DAAM2: variants seen among roughly 807,000 people sequenced by gnomAD.
DAAM2 encodes disheveled-associated activator of morphogenesis 2.
In DAAM2, 39 loss-of-function variants were observed where a neutral mutation model predicts 120.7. The ratio of observed to expected loss-of-function variants is 0.32; its 90% confidence interval spans 0.25 to 0.42. The LOEUF (loss-of-function observed/expected upper bound fraction) is 0.42. Ranked by LOEUF, DAAM2 falls within the 10% of genes least tolerant of loss-of-function variation. DAAM2 has a pLI of 1.00. For missense variants in DAAM2, 1,283 were observed against 1,401.7 expected, an observed-to-expected ratio of 0.92 and a Z score of 1.35; for synonymous variants, 488 against 524.9, an observed-to-expected ratio of 0.93 and a Z score of 0.96.
At chr6:39,885,853 A>T (rs73732308) in intron 15 of DAAM2, 3,364 of 152,294 alleles carry the variant, frequency 0.022, 114 homozygotes, top group African/African-American at 0.076. Context: ...CTTCCACTCC[A>T]TCGGCGTCAG....
chr6:39,855,935 A>G (rs1157435971), intron 1 of DAAM2: 2 of 646,572 alleles, frequency 3.1e-6, no homozygotes, highest in Non-Finnish European at 3.8e-6. Context: ...CTCTGGTCAC[A>G]TGGAAGTCAC....
chr6:39,869,194 T>G (rs766805076), intron 7 of DAAM2, among the ~76,000 whole-genome samples: 3 of 152,010 alleles, frequency 2.0e-5, no homozygotes, highest in Non-Finnish European at 4.4e-5. Context: ...TTCTGGACTG[T>G]TTTCTCGTTG....
intron 1 of DAAM2, among the ~76,000 whole-genome samples, chr6:39,802,044 ATC>A (rs1761879240): frequency 6.6e-6 from 1 of 152,194 alleles, no homozygotes; most frequent in Non-Finnish European, 1.5e-5. Context: ...TTCTTTTGTA[ATC>A]TCTGTCAGTG....
chr6:39,873,423 G>A, intron 10 of DAAM2, 68 bp downstream of exon 10: 1 of 1,082,330 alleles, frequency 9.2e-7, no homozygotes, highest in Non-Finnish European at 1.4e-6. Flanking sequence ...GTTTAGACAA[G>A]ACTTTGGGAC....
Position 39,878,306 on chromosome 6 carries a change from C to T in DAAM2, c.1360+45C>T, listed in dbSNP as rs747243643. On this transcript the variant is annotated intron_variant, in intron 12 of 24. Transcript: ENST00000274867. The surrounding 1 kb of genome is among the most constrained non-coding windows in gnomAD (Gnocchi z 5.0). Reference sequence around the variant, plus strand: ...CCTGCTGTCCACTCCACATGCCCTTCCCCTGCCCAGCCCATAACTCCATGC... The same window carrying T: ...CCTGCTGTCCACTCCACATGCCCTTTCCCTGCCCAGCCCATAACTCCATGC... 1 of 1,612,490 alleles carries T rather than the reference C, an allele frequency of 6.2e-7. No homozygotes were observed. The highest frequency in any genetic ancestry group is 1.1e-5 in the South Asian group (1 of 90,862).
Position 39,901,759 on chromosome 6 carries a change from T to C in DAAM2, c.2983-54T>C. On this transcript the variant is annotated intron_variant, in intron 24 of 24. Transcript: ENST00000274867. The surrounding 1 kb of genome is among the most constrained non-coding windows in gnomAD (Gnocchi z 4.5). Reference sequence around the variant, plus strand: ...TTAGCCCAGGGTTGGGGGGCTGCCCTGGCCTCAGCGCCTCTCCCTGAGAGG... The same window carrying C: ...TTAGCCCAGGGTTGGGGGGCTGCCCCGGCCTCAGCGCCTCTCCCTGAGAGG... The C allele has an allele frequency of 6.9e-7, 1 of 1,446,836 alleles. No homozygotes were observed. The highest frequency in any genetic ancestry group is 9.1e-7 in the Non-Finnish European group (1 of 1,095,338). The allele number at this position is 1,446,836 out of a possible 1,614,324, so 89.6% of individuals were successfully genotyped here.
At chr6:39,858,005 G>A (rs1469858662) in intron 2 of DAAM2, among the ~76,000 whole-genome samples, 1 of 151,986 alleles carries the variant, frequency 6.6e-6, no homozygotes, top group African/African-American at 2.4e-5. Flanking sequence ...TTCTAGACTG[G>A]GAGAAGTCAC....
At chr6:39,865,137 C>T (rs1164418302) in intron 5 of DAAM2, 63 bp downstream of exon 5, 16 of 990,352 alleles carry the variant, frequency 1.6e-5, no homozygotes, top group Non-Finnish European at 2.2e-5. Context: ...CCTTGCCTTC[C>T]CGAAGCCCTG....
At chr6:39,861,889 G>A (rs985165027) in intron 3 of DAAM2, 10 of 152,568 alleles carry the variant, frequency 6.6e-5, no homozygotes, top group African/African-American at 2.2e-4. Context: ...GAGACAGGAA[G>A]GTCTGGGCGG....
At chr6:39,872,640 A>C (rs1365002170) in intron 9 of DAAM2, among the ~76,000 whole-genome samples, 1 of 152,256 alleles carries the variant, frequency 6.6e-6, no homozygotes, top group Non-Finnish European at 1.5e-5. Context: ...GGTGCTTTAC[A>C]GTCACTGAGT....
intron 17 of DAAM2, 41 bp from the exon 18 acceptor site, chr6:39,891,300 G>T (rs1160177383): frequency 3.4e-6 from 5 of 1,475,102 alleles, no homozygotes; most frequent in South Asian, 1.2e-5. Flanking sequence ...CATGTCTGCT[G>T]CTCACCAGTT....
At chr6:39,814,542 T>C (rs1421553227) in intron 1 of DAAM2, among the ~76,000 whole-genome samples, 3 of 152,234 alleles carry the variant, frequency 2.0e-5, no homozygotes, top group Non-Finnish European at 4.4e-5. Flanking sequence ...TTAGAACAGC[T>C]AAGGACCTGG....
At chr6:39,871,446 T>C (rs1263634545) in intron 8 of DAAM2, 60 bp from the exon 9 acceptor site, 1 of 1,492,354 alleles carries the variant, frequency 6.7e-7, no homozygotes, top group Non-Finnish European at 9.1e-7. Flanking sequence ...GCTGTAACCC[T>C]CAACCAAGGG....
At chr6:39,881,584 G>A (rs1275297081) in intron 14 of DAAM2, among the ~76,000 whole-genome samples, 1 of 152,200 alleles carries the variant, frequency 6.6e-6, no homozygotes, top group Non-Finnish European at 1.5e-5. Flanking sequence ...GGGTGTGGTG[G>A]CGCACGCCTG....
At chr6:39,864,712 C>G (rs1582696630) in intron 4 of DAAM2, among the ~76,000 whole-genome samples, 1 of 152,164 alleles carries the variant, frequency 6.6e-6, no homozygotes, top group African/African-American at 2.4e-5. Context: ...TCTCAGAGTC[C>G]CCCAACCATT....
intron 1 of DAAM2, among the ~76,000 whole-genome samples, chr6:39,816,080 C>T (rs968053317): frequency 1.9e-4 from 29 of 152,224 alleles, no homozygotes; most frequent in African/African-American, 6.5e-4. Flanking sequence ...TGTGCTACCT[C>T]TCAGGATGCT....
At position 39,901,592 on chromosome 6, in the gene DAAM2, G is replaced by A. The variant is rs191281022; in HGVS notation, c.2982+120G>A. The A allele has an allele frequency of 2.4e-4, 282 of 1,193,162 alleles. No homozygotes were observed. In the African/African-American group the frequency reaches 3.7e-3, roughly 16 times the overall value. The allele number at this position is 1,193,162 out of a possible 1,614,324, so 73.9% of individuals were successfully genotyped here. ...TGAGGAACTGAGGAACACCATAGGGGTTGGATGTCAGCCCCAGGAGAGAGA... is the reference window on the plus strand; with the variant it reads ...TGAGGAACTGAGGAACACCATAGGGATTGGATGTCAGCCCCAGGAGAGAGA... On this transcript the variant is annotated intron_variant, in intron 24 of 24. Coordinates refer to ENST00000274867, the MANE Select transcript of DAAM2 (RefSeq NM_001201427.2). The surrounding 1 kb of genome is among the most constrained non-coding windows in gnomAD (Gnocchi z 4.5).
At chr6:39,880,164 G>A (rs1179537846) in intron 14 of DAAM2, 2 of 153,220 alleles carry the variant, frequency 1.3e-5, no homozygotes, top group African/African-American at 2.4e-5. Flanking sequence ...CTATTAGGAG[G>A]ACTAGGAGCT....
In DAAM2 at chr6:39,891,340, G is replaced by C. The variant is rs1765702866; in HGVS notation, c.2146-1G>C. 1 of 1,601,844 alleles carries C rather than the reference G, an allele frequency of 6.2e-7. No homozygotes were observed. Among genetic ancestry groups the C allele is most frequent in the Non-Finnish European group, 8.5e-7 (1 of 1,173,388 alleles). Reference sequence around the variant, plus strand: ...GTGTGACTTGCGCCTGCTCTTTGCAGCTCCTCAAGTTCATCCCAGAGAAGA... The same window carrying C: ...GTGTGACTTGCGCCTGCTCTTTGCACCTCCTCAAGTTCATCCCAGAGAAGA... On this transcript the variant is annotated splice_acceptor_variant, in intron 17 of 24. Transcript: ENST00000274867. LOFTEE classifies it high-confidence loss of function.
Sources: gnomAD v4.1 joint callset for allele counts (sites outside exome capture counted in the v4.1 genomes callset) on GRCh38, gnomAD v4.1.1 for gene constraint, Gnocchi (gnomAD v3.1) non-coding constraint, MANE v1.5 for transcripts, NCBI Gene and HGNC (gene_info 2026-07-23, HGNC 2026-07-21) for gene names.